The following ARHGAP17 variants were observed in gnomAD, a reference collection of about 807,000 sequenced individuals.
The protein encoded by ARHGAP17 is Rho GTPase activating protein 17.
ARHGAP17 carries 57 observed loss-of-function variants against 99.5 expected under a neutral mutation model. That is an observed-to-expected ratio of 0.57 (90% confidence interval 0.46 to 0.71). The LOEUF (loss-of-function observed/expected upper bound fraction) is 0.71, where lower values mean the gene tolerates loss of function less well. Ranked by LOEUF, ARHGAP17 falls within the 30% of genes least tolerant of loss-of-function variation. ARHGAP17 has a pLI of 0.00. For synonymous variants in ARHGAP17, 417 were observed against 429.6 expected (o/e 0.97, Z 0.36); for missense variants, 1,000 against 1,122.4 (o/e 0.89, Z 1.56).
intron 13 of ARHGAP17, 42 bp from the exon 14 acceptor site, chr16:24,947,637 A>T (rs771984188): frequency 6.6e-7 from 1 of 1,524,578 alleles, no homozygotes; most frequent in Non-Finnish European, 9.0e-7. Flanking sequence ...CCTCTGAAAT[A>T]GCTGCTGGAA....
chr16:24,970,494 C>G lies in ARHGAP17; in HGVS notation c.272+13G>C, dbSNP rs777279006. The G allele has an allele frequency of 1.9e-6, 3 of 1,613,542 alleles. No individual in the cohort carries two copies. The highest frequency in any genetic ancestry group is 2.5e-6 in the Non-Finnish European group (3 of 1,179,560). On this transcript the variant is annotated intron_variant, in intron 4 of 19. Coordinates refer to ENST00000289968, the MANE Select transcript of ARHGAP17 (RefSeq NM_001006634.3). Reference sequence around the variant, plus strand: ...TACATGGCACTTGGCACTCTGAAGGCAGCAACTCTTACCCCAGGAGAGAGT... The same window carrying G: ...TACATGGCACTTGGCACTCTGAAGGGAGCAACTCTTACCCCAGGAGAGAGT...
At chr16:24,927,230 G>A (rs949179036) in intron 19 of ARHGAP17, among the ~76,000 whole-genome samples, 13 of 152,116 alleles carry the variant, frequency 8.5e-5, no homozygotes, top group Non-Finnish European at 1.5e-4. Flanking sequence ...GAGATTGCGC[G>A]TATATTAAGA....
intron 18 of ARHGAP17, 65 bp from the exon 19 acceptor site, chr16:24,931,469 G>A: frequency 1.4e-6 from 2 of 1,453,538 alleles, no homozygotes; most frequent in South Asian, 1.5e-5. Flanking sequence ...CCCTGGCCAG[G>A]AGCCCAAATT....
intron 19 of ARHGAP17, 166 bp downstream of exon 19, chr16:24,930,618 G>T: frequency 1.7e-6 from 2 of 1,157,908 alleles, no homozygotes; most frequent in Non-Finnish European, 1.3e-6. Flanking sequence ...GTGTAGCTGT[G>T]TTCCAATAAA....
chr16:25,003,889 G>A (rs1007508644), intron 1 of ARHGAP17, among the ~76,000 whole-genome samples: 3 of 152,074 alleles, frequency 2.0e-5, no homozygotes, highest in Non-Finnish European at 4.4e-5. Context: ...ACCAGGGGCT[G>A]TGAATTTAAA....
chr16:24,937,973 C>T (rs538270448), intron 17 of ARHGAP17, among the ~76,000 whole-genome samples: 1 of 152,340 alleles, frequency 6.6e-6, no homozygotes, highest in South Asian at 2.1e-4. Context: ...AAGCAGCTGT[C>T]AGTTCCAAAC....
intron 19 of ARHGAP17, among the ~76,000 whole-genome samples, chr16:24,926,117 A>AAAAAAG (rs1555540777): frequency 6.9e-6 from 1 of 145,732 alleles, no homozygotes; most frequent in African/African-American, 2.8e-5. Flanking sequence ...CTGAAAAAAA[A>AAAAAAG]AAAAGAAAAG....
chr16:24,959,042 T>C (rs1209849290), intron 9 of ARHGAP17, among the ~76,000 whole-genome samples: 1 of 150,626 alleles, frequency 6.6e-6, no homozygotes, highest in East Asian at 1.9e-4. Context: ...GATGCCCAAC[T>C]TAAAATTCAA....
At chr16:25,003,655 C>T (rs2141495871) in intron 1 of ARHGAP17, among the ~76,000 whole-genome samples, 1 of 152,038 alleles carries the variant, frequency 6.6e-6, no homozygotes, top group Non-Finnish European at 1.5e-5. Flanking sequence ...GAAACCCTGT[C>T]TCTACTAAAA....
At chr16:24,921,254 T>C (rs972334596) in intron 19 of ARHGAP17, among the ~76,000 whole-genome samples, 1 of 152,196 alleles carries the variant, frequency 6.6e-6, no homozygotes, top group African/African-American at 2.4e-5. Flanking sequence ...GCTTCTCTCG[T>C]AGATGTGGGT....
chr16:25,011,115 G>A (rs980547119), intron 1 of ARHGAP17, among the ~76,000 whole-genome samples: 1 of 152,144 alleles, frequency 6.6e-6, no homozygotes, highest in South Asian at 2.1e-4. Context: ...AACACCATTG[G>A]TGATGATCTG....
At chr16:25,010,970 A>G (rs1226304748) in intron 1 of ARHGAP17, among the ~76,000 whole-genome samples, 1 of 152,218 alleles carries the variant, frequency 6.6e-6, no homozygotes, top group Admixed American at 6.5e-5. Flanking sequence ...ACCCAAGGAG[A>G]CACTCCCTAT....
intron 1 of ARHGAP17, among the ~76,000 whole-genome samples, chr16:25,010,783 T>C (rs781170410): frequency 6.6e-6 from 1 of 152,240 alleles, no homozygotes; most frequent in Non-Finnish European, 1.5e-5. Flanking sequence ...AGCAGCCCCT[T>C]TGGTGGGACA....
chr16:24,979,203 G>T (rs1333587101), intron 1 of ARHGAP17, among the ~76,000 whole-genome samples, 198 bp from the exon 2 acceptor site: 1 of 152,202 alleles, frequency 6.6e-6, no homozygotes, highest in Non-Finnish European at 1.5e-5. Flanking sequence ...GCAAAACTTT[G>T]TGGGGAATAG....
chr16:24,926,071 C>G (rs973231806), intron 19 of ARHGAP17, among the ~76,000 whole-genome samples: 12 of 144,712 alleles, frequency 8.3e-5, no homozygotes, highest in African/African-American at 2.6e-4. Context: ...GATCGTGCCA[C>G]TGCACTCCAG....
intron 14 of ARHGAP17, among the ~76,000 whole-genome samples, chr16:24,945,782 T>C (rs2051454491): frequency 6.6e-6 from 1 of 152,222 alleles, no homozygotes; most frequent in Non-Finnish European, 1.5e-5. Context: ...GGAACTGTCC[T>C]CTCCATCCTT....
chr16:24,967,190 C>T (rs899048018), intron 6 of ARHGAP17, among the ~76,000 whole-genome samples: 4 of 152,278 alleles, frequency 2.6e-5, no homozygotes, highest in Middle Eastern at 3.4e-3. Flanking sequence ...CTAAATATAC[C>T]TTTTCTCATC....
At chr16:24,972,959 G>A (rs1354559627) in intron 3 of ARHGAP17, among the ~76,000 whole-genome samples, 1 of 150,948 alleles carries the variant, frequency 6.6e-6, no homozygotes, top group East Asian at 2.0e-4. Flanking sequence ...TTTTAAGACA[G>A]GGTCTGGCTC....
At chr16:25,014,320 G>C (rs764236058) in intron 1 of ARHGAP17, among the ~76,000 whole-genome samples, 1 of 152,160 alleles carries the variant, frequency 6.6e-6, no homozygotes, top group Non-Finnish European at 1.5e-5. Context: ...GAAAGACCTT[G>C]AAATATTAGC....
Sources: gnomAD v4.1 joint callset for allele counts (sites outside exome capture counted in the v4.1 genomes callset) on GRCh38, gnomAD v4.1.1 for gene constraint, MANE v1.5 for transcripts, NCBI Gene and HGNC (gene_info 2026-07-23, HGNC 2026-07-21) for gene names.